DTNA: variants seen among roughly 807,000 people sequenced by gnomAD.
DTNA encodes dystrobrevin alpha.
In DTNA, 43 loss-of-function variants were observed where a neutral mutation model predicts 100.7. The ratio of observed to expected loss-of-function variants is 0.43; its 90% CI spans 0.33 to 0.55. DTNA has a LOEUF of 0.55. DTNA is among the 20% of genes least tolerant of loss of function. The pLI is 0.04. For missense variants in DTNA, 798 were observed against 953.9 expected (o/e 0.84, Z 2.15); for synonymous variants, 349 against 347.9 (o/e 1.00, Z -0.04).
At chr18:34,637,521 G>A (rs1365007663) in intron 1 of DTNA, among the ~76,000 whole-genome samples, 4 of 152,240 alleles carry the variant, frequency 2.6e-5, no homozygotes, top group Admixed American at 1.3e-4. Flanking sequence ...AGCCTATTCC[G>A]TTTGGCTCTC....
chr18:34,770,997 G>A (rs944877227), intron 3 of DTNA, among the ~76,000 whole-genome samples: 1 of 152,012 alleles, frequency 6.6e-6, no homozygotes, highest in Non-Finnish European at 1.5e-5. Flanking sequence ...GGCCAGGCCA[G>A]GTGGCATGAG....
rs192226645 is a variant in DTNA, at chr18:34,889,325, G to C, written c.*1591G>C. ...TACTAATTTGTAAGCCCCACCTCAGGCCTACTGAATCAGAAGCTCTGGGGG... is the reference window on the plus strand; with the variant it reads ...TACTAATTTGTAAGCCCCACCTCAGCCCTACTGAATCAGAAGCTCTGGGGG... On this transcript the variant is annotated 3_prime_UTR_variant, in exon 23 of 23. Coordinates refer to ENST00000444659, the MANE Select transcript of DTNA (RefSeq NM_001386795.1). The C allele has an allele frequency of 2.0e-6, 2 of 980,954 alleles. No individual in the cohort carries two copies. Among genetic ancestry groups the C allele is most frequent in the East Asian group, 2.3e-4 (2 of 8,788 alleles). 60.8% of individuals were successfully genotyped at this position (980,954 alleles called of 1,614,324 possible).
chr18:34,618,730 T>C (rs2055840084), intron 1 of DTNA, among the ~76,000 whole-genome samples: 1 of 152,194 alleles, frequency 6.6e-6, no homozygotes, highest in Non-Finnish European at 1.5e-5. Flanking sequence ...GCATTTTTCA[T>C]TTTCGTAAAA....
chr18:34,605,292 C>T (rs2052800473), intron 1 of DTNA, among the ~76,000 whole-genome samples: 1 of 151,946 alleles, frequency 6.6e-6, no homozygotes, highest in African/African-American at 2.4e-5. Flanking sequence ...TGTAAAAAAA[C>T]AAAAACTTAT....
At chr18:34,839,257 A>C (rs2096219436) in intron 13 of DTNA, among the ~76,000 whole-genome samples, 1 of 152,222 alleles carries the variant, frequency 6.6e-6, no homozygotes, top group African/African-American at 2.4e-5. Context: ...TGAAAAAGAG[A>C]AAATGCGATG....
At position 34,888,958 on chromosome 18, in the gene DTNA, T is replaced by C. The variant is rs1304425653; in HGVS notation, c.*1224T>C. 2.2e-5 allele frequency: 22 copies of C among 985,716 alleles called. No homozygotes were observed. The highest frequency in any genetic ancestry group is 2.7e-5 in the Non-Finnish European group (22 of 829,946). 61.1% of individuals were successfully genotyped at this position (985,716 alleles called of 1,614,324 possible). A position where few individuals can be genotyped will look rare whatever the true frequency, so the allele number is the denominator to read the frequency against. ...AGGAGACAGGCTCTTCTAAGTTGAG[T>C]TGGGATTTTTGCACTCAGTGAAAAG... On this transcript the variant is annotated 3_prime_UTR_variant, in exon 23 of 23. Coordinates refer to ENST00000444659, the MANE Select transcript of DTNA (RefSeq NM_001386795.1).
In DTNA at chr18:34,874,764, A is replaced by G. The variant is rs192653844; in HGVS notation, c.1744-475A>G. 2.6e-5 allele frequency among the ~76,000 whole-genome samples: 4 copies of G among 152,374 alleles called. No homozygotes were observed. The East Asian group carries it at 7.7e-4, about 29-fold the overall frequency. On this transcript the variant is annotated intron_variant, in intron 17 of 22. Coordinates refer to ENST00000444659, the MANE Select transcript of DTNA (RefSeq NM_001386795.1). ...CTTAATTTGAGACTTAATATGCACA[A>G]TATTGTATGACATGATTTAAACTCT...
At chr18:34,672,605 G>A (rs2076904290) in intron 1 of DTNA, among the ~76,000 whole-genome samples, 1 of 152,188 alleles carries the variant, frequency 6.6e-6, no homozygotes, top group South Asian at 2.1e-4. Flanking sequence ...AGCCACTACT[G>A]ATGTCTCATA....
chr18:34,608,166 A>G (rs1275286168), intron 1 of DTNA, among the ~76,000 whole-genome samples: 1 of 152,158 alleles, frequency 6.6e-6, no homozygotes, highest in African/African-American at 2.4e-5. Flanking sequence ...CATTTTATAT[A>G]TCTAAGTAAC....
intron 3 of DTNA, among the ~76,000 whole-genome samples, chr18:34,792,897 A>G (rs1487897208): frequency 6.6e-6 from 1 of 152,212 alleles, no homozygotes; most frequent in Non-Finnish European, 1.5e-5. Flanking sequence ...AAAGACTTGT[A>G]CGTGATTGTT....
upstream of DTNA, among the ~76,000 whole-genome samples, chr18:34,706,057 C>T (rs773907415): frequency 2.0e-5 from 3 of 152,170 alleles, no homozygotes; most frequent in Non-Finnish European, 4.4e-5. Flanking sequence ...AAGCGATTCT[C>T]CTGCCTCAGC....
intron 9 of DTNA, among the ~76,000 whole-genome samples, chr18:34,826,215 G>T (rs963214405): frequency 6.6e-5 from 10 of 152,048 alleles, no homozygotes; most frequent in Non-Finnish European, 1.0e-4. Context: ...TGATGAATTT[G>T]TTATTTTTTA....
intron 4 of DTNA, among the ~76,000 whole-genome samples, chr18:34,798,151 C>T (rs2095061508): frequency 6.6e-6 from 1 of 152,058 alleles, no homozygotes; most frequent in Admixed American, 6.6e-5. Context: ...AGGCGTGCAC[C>T]ACCACACCTG....
intron 1 of DTNA, among the ~76,000 whole-genome samples, chr18:34,693,917 A>T (rs1335106836): frequency 1.3e-5 from 2 of 152,186 alleles, no homozygotes; most frequent in African/African-American, 4.8e-5. Flanking sequence ...TACTTTTTTT[A>T]AAAAACGTAA....
intron 1 of DTNA, among the ~76,000 whole-genome samples, chr18:34,722,420 A>C (rs887060463): frequency 5.9e-5 from 9 of 152,254 alleles, no homozygotes; most frequent in Admixed American, 1.3e-4. Flanking sequence ...GGGAAGGAAA[A>C]TATTTTCATT....
intron 1 of DTNA, among the ~76,000 whole-genome samples, chr18:34,510,069 T>TTGTGTGTGTG (rs35805954): frequency 0.06 from 8,724 of 144,910 alleles, 357 homozygotes; most frequent in Admixed American, 0.12. Flanking sequence ...GAGTGTAATT[T>TTGTGTGTGTG]TGTGTGTGTG....
intron 1 of DTNA, among the ~76,000 whole-genome samples, chr18:34,509,674 C>G (rs2040840300): frequency 6.6e-6 from 1 of 152,036 alleles, no homozygotes. Context: ...TCTAGCTGTT[C>G]TTTTATTGTT....
At chr18:34,496,954 A>G (rs934741845) in intron 1 of DTNA, among the ~76,000 whole-genome samples, 28 of 152,166 alleles carry the variant, frequency 1.8e-4, no homozygotes, top group Admixed American at 4.6e-4. Context: ...GAGACATACT[A>G]TTTCACCTCA....
rs1390401823 is a variant in DTNA at position 34,765,952 on chromosome 18, C to T, written c.68-9C>T. On this transcript the variant is annotated splice_polypyrimidine_tract_variant and intron_variant, in intron 2 of 22. Transcript: ENST00000444659. Reference sequence around the variant, plus strand: ...GGCATACCTTATGTGTCCTTTTTCCCCGCACTAGGGGCTCAAGATCTGGAT... The same window carrying T: ...GGCATACCTTATGTGTCCTTTTTCCTCGCACTAGGGGCTCAAGATCTGGAT... 2 of 1,613,484 alleles carry T rather than the reference C, an allele frequency of 1.2e-6. No individual in the cohort carries two copies. Among genetic ancestry groups the T allele is most frequent in the African/African-American group, 1.3e-5 (1 of 74,974 alleles).
Sources: gnomAD v4.1 joint callset for allele counts (sites outside exome capture counted in the v4.1 genomes callset) on GRCh38, gnomAD v4.1.1 for gene constraint, MANE v1.5 for transcripts, NCBI Gene and HGNC (gene_info 2026-07-23, HGNC 2026-07-21) for gene names.